PBX1: variants seen among roughly 807,000 people sequenced by gnomAD.
PBX1 encodes the protein pre-B-cell leukemia transcription factor 1.
Under a neutral mutation model 53.4 loss-of-function variants are expected in PBX1, and 6 were observed. The observed-to-expected ratio is 0.11, with a 90% CI of 0.06 to 0.22. The LOEUF (loss-of-function observed/expected upper bound fraction) is 0.22, where lower values mean the gene tolerates loss of function less well. Among genes scored for constraint, PBX1 ranks in the 10% least tolerant of loss-of-function variants. The pLI is 1.00. For missense variants in PBX1, 251 were observed against 551.4 expected, an observed-to-expected ratio of 0.46 and a Z score of 5.46; for synonymous variants, 204 against 212.3, an observed-to-expected ratio of 0.96 and a Z score of 0.34.
intron 2 of PBX1, among the ~76,000 whole-genome samples, chr1:164,593,631 G>A (rs953394080): frequency 1.9e-4 from 10 of 51,804 alleles, no homozygotes; most frequent in Non-Finnish European, 2.8e-4. Flanking sequence ...CGGCGGGGTG[G>A]GGGCTGGAAA....
intron 2 of PBX1, among the ~76,000 whole-genome samples, chr1:164,570,250 G>T (rs1349341967): frequency 1.3e-5 from 2 of 152,120 alleles, no homozygotes; most frequent in Admixed American, 1.3e-4. Flanking sequence ...GAACACGTGT[G>T]TGGAACGTGC....
intron 2 of PBX1, among the ~76,000 whole-genome samples, chr1:164,603,928 CATTTTTTTTTTTTTTTT>C (rs1418033056): frequency 9.0e-4 from 44 of 48,764 alleles, no homozygotes; most frequent in Non-Finnish European, 2.2e-4. Context: ...TATGTCATTT[CATTTTTTTTTTTTTTTT>C]TTTTTTTTTT....
rs140896012 is a variant in PBX1, at chr1:164,870,739, A to C, written n.258-28449A>C. ...TCTACCATTCTGTTATTCTAGCCAA[A>C]CAAATCTAAAAGTAAATCAAATAAA... On this transcript the variant is annotated intron_variant and non_coding_transcript_variant, in intron 2 of 2. Transcript: ENST00000558796. Among the ~76,000 whole-genome samples the C allele has an allele frequency of 7.0e-3, 1,065 of 152,316 alleles. 19 individuals are homozygous for C. Among genetic ancestry groups the C allele is most frequent in the African/African-American group, 0.025 (1,019 of 41,578 alleles).
chr1:164,617,676 C>T (rs916449506), intron 2 of PBX1, among the ~76,000 whole-genome samples: 2 of 152,138 alleles, frequency 1.3e-5, no homozygotes, highest in African/African-American at 2.4e-5. Context: ...GGACCTTTTC[C>T]CTGGACCAGG....
intron 2 of PBX1, among the ~76,000 whole-genome samples, chr1:164,780,802 C>A (rs771704744): frequency 3.9e-5 from 6 of 152,174 alleles, no homozygotes; most frequent in Non-Finnish European, 7.3e-5. Context: ...AGCTCATAAT[C>A]TCAGTCGCCC....
chr1:164,567,208 G>A (rs1653495010), intron 2 of PBX1, among the ~76,000 whole-genome samples: 1 of 152,162 alleles, frequency 6.6e-6, no homozygotes, highest in African/African-American at 2.4e-5. Flanking sequence ...ATATGTAGGT[G>A]GAGGGGCGGT....
intron 2 of PBX1, among the ~76,000 whole-genome samples, chr1:164,766,870 G>A (rs934000979): frequency 1.3e-5 from 2 of 151,766 alleles, no homozygotes; most frequent in Admixed American, 6.6e-5. Flanking sequence ...TGGGATTACA[G>A]GCACGCACCA....
At chr1:164,804,611 G>A (rs368037218) in intron 4 of PBX1, among the ~76,000 whole-genome samples, 10 of 152,180 alleles carry the variant, frequency 6.6e-5, no homozygotes, top group African/African-American at 2.4e-4. Flanking sequence ...TAGTCATACA[G>A]TGATACAACA....
At chr1:164,716,189 T>C (rs149403330) in intron 2 of PBX1, among the ~76,000 whole-genome samples, 39 of 152,310 alleles carry the variant, frequency 2.6e-4, no homozygotes, top group African/African-American at 9.4e-4. Context: ...TTTTTATGTG[T>C]ATGTCTGTAC....
At chr1:164,740,093 G>A (rs560085925) in intron 2 of PBX1, among the ~76,000 whole-genome samples, 104 of 152,262 alleles carry the variant, frequency 6.8e-4, no homozygotes, top group African/African-American at 2.4e-3. Context: ...TGATCTAAAT[G>A]TAGGAAGAGG....
intron 2 of PBX1, among the ~76,000 whole-genome samples, chr1:164,874,497 CTTTT>C (rs964969757): frequency 9.2e-5 from 14 of 151,946 alleles, no homozygotes; most frequent in African/African-American, 2.7e-4. Context: ...TTCTTTCTTT[CTTTT>C]TGTTTGTTTT....
chr1:164,762,699 A>G (rs1053128459), intron 2 of PBX1, among the ~76,000 whole-genome samples: 2 of 152,190 alleles, frequency 1.3e-5, no homozygotes, highest in African/African-American at 2.4e-5. Flanking sequence ...CTATTATTCC[A>G]TATTTTTCAA....
chr1:164,826,994 A>G (rs963594812), intron 8 of PBX1, among the ~76,000 whole-genome samples: 3 of 152,154 alleles, frequency 2.0e-5, no homozygotes, highest in African/African-American at 7.2e-5. Context: ...CTTTTCTCCC[A>G]TGTTAGGTAA....
At chr1:164,666,698 C>T (rs558056987) in intron 2 of PBX1, among the ~76,000 whole-genome samples, 192 of 151,960 alleles carry the variant, frequency 1.3e-3, no homozygotes, top group African/African-American at 4.4e-3. Flanking sequence ...GGATGAGGGA[C>T]GGGAAGGAGA....
At chr1:164,806,578 C>T (rs1047686059) in intron 4 of PBX1, among the ~76,000 whole-genome samples, 1 of 152,252 alleles carries the variant, frequency 6.6e-6, no homozygotes, top group African/African-American at 2.4e-5. Flanking sequence ...TTGTGAGGAG[C>T]CAATTTGTAT....
At position 164,849,087 on chromosome 1, in the gene PBX1, C is replaced by G; in HGVS notation, c.*2411C>G. Reference sequence around the variant, plus strand: ...GGCAGGAATATAATGAAACTACCCACGCAAGAACATGGTTGAATCACATTT... The same window carrying G: ...GGCAGGAATATAATGAAACTACCCAGGCAAGAACATGGTTGAATCACATTT... On this transcript the variant is annotated 3_prime_UTR_variant, in exon 9 of 9. Coordinates refer to ENST00000420696, the MANE Select transcript of PBX1 (RefSeq NM_002585.4). 2 of 1,323,820 alleles carry G rather than the reference C, an allele frequency of 1.5e-6. No homozygotes were observed. The highest frequency in any genetic ancestry group is 3.8e-5 in the South Asian group (2 of 52,384). 82.0% of individuals were successfully genotyped at this position (1,323,820 alleles called of 1,614,324 possible). A position where few individuals can be genotyped will look rare whatever the true frequency, so the allele number is the denominator to read the frequency against.
intron 2 of PBX1, among the ~76,000 whole-genome samples, chr1:164,717,564 G>A (rs536118924): frequency 4.0e-4 from 61 of 152,294 alleles, no homozygotes; most frequent in Non-Finnish European, 7.1e-4. Context: ...GAGATGGTCG[G>A]AGTATGCATT....
At chr1:164,792,821 A>G (rs2102303158) in intron 3 of PBX1, 83 bp downstream of exon 3, 1 of 1,053,486 alleles carries the variant, frequency 9.5e-7, no homozygotes, top group Non-Finnish European at 1.4e-6. Context: ...TGCAGAGAGG[A>G]GCGGCTCACC....
chr1:164,790,473 T>C (rs1349761767), intron 2 of PBX1, among the ~76,000 whole-genome samples: 1 of 152,144 alleles, frequency 6.6e-6, no homozygotes, highest in Non-Finnish European at 1.5e-5. Context: ...GGTAGTGTTG[T>C]GGTTTGCGTC....
Sources: gnomAD v4.1 joint callset for allele counts (sites outside exome capture counted in the v4.1 genomes callset) on GRCh38, gnomAD v4.1.1 for gene constraint, MANE v1.5 for transcripts, NCBI Gene and HGNC (gene_info 2026-07-23, HGNC 2026-07-21) for gene names.